CDH18: variants seen among roughly 807,000 people sequenced by gnomAD.
CDH18 encodes the protein cadherin 18.
CDH18 carries 31 observed loss-of-function variants against 67.9 expected under a neutral mutation model. The ratio of observed to expected loss-of-function variants is 0.46; its 90% CI spans 0.34 to 0.62. The LOEUF (loss-of-function observed/expected upper bound fraction) is 0.62, where lower values mean the gene tolerates loss of function less well. Ranked by LOEUF, CDH18 falls within the 20% of genes least tolerant of loss-of-function variation. The pLI, the probability that CDH18 is intolerant of heterozygous loss-of-function variation, is 0.01. For missense variants in CDH18, 890 were observed against 975.5 expected (o/e 0.91, Z 1.17); for synonymous variants, 362 against 347.2 (o/e 1.04, Z -0.48).
rs140246125 is a variant in CDH18 at position 20,240,665 on chromosome 5, T to C, written c.-518+14779A>G. Among the ~76,000 whole-genome samples the C allele has an allele frequency of 4.9e-4, 75 of 152,376 alleles. 1 individual carries two copies. In the East Asian group the frequency reaches 0.014, roughly 28 times the overall value. ...AATAGTTCCTAATTATTCTCTTTTC[T>C]TCTTGAATCTATTTTAATATCTGTA... On this transcript the variant is annotated intron_variant, in intron 2 of 14. Transcript: ENST00000507958.
At chr5:20,270,538 G>A (rs1190281861) in intron 1 of CDH18, among the ~76,000 whole-genome samples, 2 of 152,108 alleles carry the variant, frequency 1.3e-5, no homozygotes, top group African/African-American at 4.8e-5. Context: ...GTTGGTGGGA[G>A]TGTAAATTAG....
intron 3 of CDH18, among the ~76,000 whole-genome samples, chr5:19,757,615 C>G (rs7709679): frequency 0.95 from 145,214 of 152,246 alleles, 69,522 homozygotes; most frequent in East Asian, 1. Flanking sequence ...CTCAGTTGAG[C>G]TCACCTATTG....
At chr5:20,134,657 A>G (rs1016609719) in intron 2 of CDH18, among the ~76,000 whole-genome samples, 1 of 152,180 alleles carries the variant, frequency 6.6e-6, no homozygotes, top group Non-Finnish European at 1.5e-5. Flanking sequence ...GGACACAGCC[A>G]AACCATATCA....
intron 2 of CDH18, among the ~76,000 whole-genome samples, chr5:20,254,682 T>G (rs2126609000): frequency 6.6e-6 from 1 of 152,324 alleles, no homozygotes; most frequent in African/African-American, 2.4e-5. Context: ...GTAAATTATG[T>G]TCAGCCACAG....
At chr5:19,610,724 A>G (rs1748814830) in intron 6 of CDH18, among the ~76,000 whole-genome samples, 1 of 151,848 alleles carries the variant, frequency 6.6e-6, no homozygotes, top group African/African-American at 2.4e-5. Context: ...CTTTATCTTC[A>G]ACTTCAATTG....
intron 2 of CDH18, among the ~76,000 whole-genome samples, chr5:19,880,157 CTT>C (rs1787478447): frequency 6.6e-6 from 1 of 151,888 alleles, no homozygotes; most frequent in African/African-American, 2.4e-5. Context: ...ACTTCTATCT[CTT>C]TTCTTTTCTA....
intron 1 of CDH18, among the ~76,000 whole-genome samples, chr5:20,401,380 A>C (rs1366302021): frequency 6.6e-6 from 1 of 152,192 alleles, no homozygotes; most frequent in Non-Finnish European, 1.5e-5. Context: ...AGTTTATAGA[A>C]TTTGAGAAAA....
chr5:19,804,165 G>A (rs1168050384), intron 3 of CDH18: 2 of 150,198 alleles, frequency 1.3e-5, no homozygotes, highest in African/African-American at 4.9e-5. Context: ...AGCCGGGCAT[G>A]GCATCGGGCG....
At chr5:20,303,259 C>G (rs1736102050) in intron 1 of CDH18, among the ~76,000 whole-genome samples, 1 of 152,094 alleles carries the variant, frequency 6.6e-6, no homozygotes, top group South Asian at 2.1e-4. Context: ...GGTTCACTCT[C>G]CATGGTGTAT....
chr5:19,506,060 T>C (rs1250594984), intron 10 of CDH18, among the ~76,000 whole-genome samples: 2 of 152,062 alleles, frequency 1.3e-5, no homozygotes, highest in Admixed American at 6.6e-5. Flanking sequence ...GGTGTATGTG[T>C]CAAGGAATTT....
chr5:20,486,622 C>T (rs1753195589), intron 1 of CDH18, among the ~76,000 whole-genome samples: 1 of 149,740 alleles, frequency 6.7e-6, no homozygotes, highest in Non-Finnish European at 1.5e-5. Flanking sequence ...TTTTTATTAA[C>T]ATGAGGAAGA....
At chr5:20,528,043 A>T (rs1182511693) in intron 1 of CDH18, among the ~76,000 whole-genome samples, 1 of 152,048 alleles carries the variant, frequency 6.6e-6, no homozygotes, top group African/African-American at 2.4e-5. Flanking sequence ...CACACCTAGG[A>T]TCAAAATAAA....
chr5:19,882,696 C>G (rs1787780100), intron 2 of CDH18, among the ~76,000 whole-genome samples: 1 of 151,966 alleles, frequency 6.6e-6, no homozygotes, highest in Non-Finnish European at 1.5e-5. Context: ...ATGAAGATAC[C>G]AAACCTTAGA....
At chr5:20,277,635 G>A (rs907126283) in intron 1 of CDH18, among the ~76,000 whole-genome samples, 1 of 152,016 alleles carries the variant, frequency 6.6e-6, no homozygotes, top group African/African-American at 2.4e-5. Context: ...CAAGCACTAA[G>A]ACCACCCAGG....
At chr5:19,589,513 C>T (rs1462631925) in intron 7 of CDH18, among the ~76,000 whole-genome samples, 1 of 152,044 alleles carries the variant, frequency 6.6e-6, no homozygotes, top group South Asian at 2.1e-4. Flanking sequence ...ACATCCTCAT[C>T]CATTAATTAC....
chr5:20,143,628 G>A (rs1750415408), intron 2 of CDH18, among the ~76,000 whole-genome samples: 1 of 152,126 alleles, frequency 6.6e-6, no homozygotes, highest in South Asian at 2.1e-4. Context: ...CTTGGCCTCT[G>A]AAAATGCTTG....
chr5:20,097,719 T>G (rs2150571959), intron 2 of CDH18, among the ~76,000 whole-genome samples: 1 of 152,342 alleles, frequency 6.6e-6, no homozygotes, highest in African/African-American at 2.4e-5. Context: ...GATGGATTTG[T>G]ATGTTGTGAT....
At chr5:20,050,507 A>G (rs1741324776) in intron 2 of CDH18, among the ~76,000 whole-genome samples, 2 of 151,932 alleles carry the variant, frequency 1.3e-5, no homozygotes, top group Admixed American at 6.6e-5. Context: ...TTTGAAATGT[A>G]AATTAGTACA....
At chr5:19,589,765 C>G (rs1049542556) in intron 7 of CDH18, among the ~76,000 whole-genome samples, 1 of 152,082 alleles carries the variant, frequency 6.6e-6, no homozygotes, top group African/African-American at 2.4e-5. Context: ...TCCCTCTACT[C>G]TGGATTCAGC....
Sources: allele counts gnomAD v4.1 joint callset (sites outside exome capture counted in the v4.1 genomes callset), GRCh38; gene constraint gnomAD v4.1.1; transcripts MANE v1.5; gene names NCBI Gene and HGNC (gene_info 2026-07-23, HGNC 2026-07-21).